ERC1: variants seen among roughly 807,000 people sequenced by gnomAD.
ERC1 encodes RAB6 interacting protein 2.
Under a neutral mutation model 132.0 loss-of-function variants are expected in ERC1, and 56 were observed. The observed-to-expected ratio is 0.42, with a 90% CI of 0.34 to 0.53. The LOEUF is 0.53. Among genes scored for constraint, ERC1 ranks in the 20% least tolerant of loss-of-function variants. The pLI is 0.03. For synonymous variants in ERC1, 478 were observed against 476.1 expected (o/e 1.00, Z -0.05); for missense variants, 1,202 against 1,349.9 (o/e 0.89, Z 1.72).
intron 2 of ERC1, among the ~76,000 whole-genome samples, chr12:1,037,847 A>G (rs552154282): frequency 2.0e-5 from 3 of 152,166 alleles, no homozygotes; most frequent in Admixed American, 1.3e-4. Flanking sequence ...GATCCAGAGC[A>G]TCCTGGCTAA....
chr12:1,022,975 G>A lies in ERC1; in HGVS notation c.-156-4773G>A, dbSNP rs577427956. On this transcript the variant is annotated intron_variant, in intron 1 of 18. Coordinates refer to ENST00000360905, the MANE Select transcript of ERC1 (RefSeq NM_178040.4). The stretch of plus-strand genomic sequence containing the variant: ...CCTTTGCTTGGCACTTCTTCCTGCC[G>A]CCATGTGAAGAAGGATGTGTTTGCT... Among the ~76,000 whole-genome samples the A allele has an allele frequency of 2.6e-5, 4 of 152,238 alleles. No homozygotes were observed. In the East Asian group the frequency reaches 5.8e-4, roughly 22 times the overall value.
At chr12:1,216,243 G>T (rs1958395057) in intron 12 of ERC1, among the ~76,000 whole-genome samples, 2 of 152,024 alleles carry the variant, frequency 1.3e-5, no homozygotes, top group African/African-American at 4.8e-5. Flanking sequence ...TTGATTTAAT[G>T]ATTTTTATTT....
chr12:1,215,274 A>G (rs1958285388), intron 12 of ERC1, among the ~76,000 whole-genome samples: 1 of 151,946 alleles, frequency 6.6e-6, no homozygotes, highest in African/African-American at 2.4e-5. Flanking sequence ...GCAGAGTTCA[A>G]ATGATGTCAT....
Position 1,490,221 on chromosome 12 carries a change from G to C in ERC1, c.3342G>C (p.Glu1114Asp), listed in dbSNP as rs772585481. Residue 1114 changes from glutamate to aspartate, a missense_variant, in exon 19 of 19, where the codon GAG (glutamate) becomes GAC (aspartate). Physicochemically the swap from Glu to Asp is conservative, Grantham distance 45. Transcript: ENST00000360905. The stretch of plus-strand genomic sequence containing the variant: ...AGCAAGTGGTCAACGCCCTGGAAGA[G>C]TCCTCTTGACCCTGCTTTATGGGGA... ...ILEQVVNALE[E>D]SS The C allele has an allele frequency of 6.2e-7, 1 of 1,614,058 alleles. No homozygotes were observed. Among genetic ancestry groups the C allele is most frequent in the Non-Finnish European group, 8.5e-7 (1 of 1,179,972 alleles).
rs368898206 is a variant in ERC1 at position 1,354,706 on chromosome 12, C to T, written c.2781-17127C>T. Among the ~76,000 whole-genome samples the T allele has an allele frequency of 2.0e-5, 3 of 152,198 alleles. No homozygotes were observed. The East Asian group carries it at 5.8e-4, about 29-fold the overall frequency. ...TGCTCTGTCATCCAGGCTGGAGTGCCGAAGCGCAGTGTCGGCTCACTGCAA... is the reference window on the plus strand; with the variant it reads ...TGCTCTGTCATCCAGGCTGGAGTGCTGAAGCGCAGTGTCGGCTCACTGCAA... On this transcript the variant is annotated intron_variant, in intron 15 of 18. Transcript: ENST00000360905.
chr12:1,309,296 T>C (rs909388173), intron 15 of ERC1, among the ~76,000 whole-genome samples: 3 of 152,216 alleles, frequency 2.0e-5, no homozygotes, highest in African/African-American at 7.2e-5. Context: ...TTGCACACTG[T>C]CTGACAGCAC....
chr12:1,483,306 A>G (rs1271943959), intron 18 of ERC1, among the ~76,000 whole-genome samples: 2 of 152,204 alleles, frequency 1.3e-5, no homozygotes, highest in Non-Finnish European at 2.9e-5. Flanking sequence ...TCAAAAATAA[A>G]AAAAGAATAG....
intron 7 of ERC1, among the ~76,000 whole-genome samples, chr12:1,130,134 A>G (rs559597672): frequency 1.5e-4 from 23 of 152,258 alleles, no homozygotes; most frequent in Admixed American, 9.2e-4. Flanking sequence ...AATGGAATAT[A>G]TATTTCTACA....
chr12:1,184,684 A>G (rs1954871828), intron 11 of ERC1, among the ~76,000 whole-genome samples: 1 of 152,248 alleles, frequency 6.6e-6, no homozygotes, highest in South Asian at 2.1e-4. Context: ...TCAGCATGAG[A>G]TAATATCCTC....
At chr12:1,083,806 C>G (rs1942575177) in intron 3 of ERC1, among the ~76,000 whole-genome samples, 2 of 152,130 alleles carry the variant, frequency 1.3e-5, no homozygotes, top group South Asian at 2.1e-4. Flanking sequence ...GGTCTTTTCT[C>G]TCCTGCTCCC....
chr12:1,490,069 A>G (rs1555135547), intron 18 of ERC1, 24 bp from the exon 19 acceptor site: 1 of 1,607,884 alleles, frequency 6.2e-7, no homozygotes, highest in Non-Finnish European at 8.5e-7. Flanking sequence ...TGTATCTGAA[A>G]TCCATCTCTC....
At chr12:1,385,870 T>C (rs189513105) in intron 16 of ERC1, 75 of 152,316 alleles carry the variant, frequency 4.9e-4, no homozygotes, top group African/African-American at 1.7e-3. Flanking sequence ...TCTCTTACTT[T>C]TGTGTCGTCT....
intron 18 of ERC1, among the ~76,000 whole-genome samples, chr12:1,460,945 C>G (rs16928465): frequency 3.5e-4 from 44 of 124,644 alleles, no homozygotes; most frequent in African/African-American, 1.1e-3. Flanking sequence ...CTTGCCTAAA[C>G]GATGAGGAGG....
Position 1,385,271 on chromosome 12 carries a change from T to C in ERC1, c.2925+13294T>C, listed in dbSNP as rs569666297. Among the ~76,000 whole-genome samples the C allele has an allele frequency of 1.8e-3, 277 of 152,286 alleles. 1 individual carries two copies. The highest frequency in any genetic ancestry group is 4.6e-3 in the African/African-American group (193 of 41,570). On this transcript the variant is annotated intron_variant, in intron 16 of 18. Transcript: ENST00000360905. ...TTTTCCTAACAAGTTTCCTCGCAAT[T>C]ACCTTCCTATCTTTTTTTTTTCTTT...
chr12:1,123,842 A>G lies in ERC1; in HGVS notation c.1569+7809A>G, dbSNP rs140261148. ...AAACCCTGTCTCTACTGAAAATACA[A>G]AAATGAGCTGGGCGTGGTGGCACGC... On this transcript the variant is annotated intron_variant, in intron 7 of 18. Coordinates refer to ENST00000360905, the MANE Select transcript of ERC1 (RefSeq NM_178040.4). Among the ~76,000 whole-genome samples, 16 of 152,334 alleles carry G rather than the reference A, an allele frequency of 1.1e-4. No homozygotes were observed. In the East Asian group the frequency reaches 3.1e-3, roughly 29 times the overall value.
intron 15 of ERC1, among the ~76,000 whole-genome samples, chr12:1,345,517 G>A (rs1566641459): frequency 6.6e-6 from 1 of 152,096 alleles, no homozygotes; most frequent in East Asian, 1.9e-4. Flanking sequence ...GAATTCCTAA[G>A]CCATCCTTCC....
chr12:1,264,605 A>G (rs995385579), intron 14 of ERC1, among the ~76,000 whole-genome samples: 1 of 152,052 alleles, frequency 6.6e-6, no homozygotes, highest in African/African-American at 2.4e-5. Flanking sequence ...CGGAGCTTGC[A>G]GTGAGCCGAG....
chr12:1,417,506 G>C (rs756990397), intron 17 of ERC1, among the ~76,000 whole-genome samples: 2 of 151,478 alleles, frequency 1.3e-5, no homozygotes, highest in African/African-American at 4.9e-5. Context: ...GAGGCCGAGC[G>C]CGGTGGCTCA....
At chr12:994,124 G>C (rs886177579) in intron 1 of ERC1, among the ~76,000 whole-genome samples, 1 of 148,310 alleles carries the variant, frequency 6.7e-6, no homozygotes, top group Non-Finnish European at 1.5e-5. Context: ...ACAGCTGCTC[G>C]GTTTTACACT....
Sources: allele counts gnomAD v4.1 joint callset (sites outside exome capture counted in the v4.1 genomes callset), GRCh38; gene constraint gnomAD v4.1.1; transcripts MANE v1.5; gene names NCBI Gene and HGNC (gene_info 2026-07-23, HGNC 2026-07-21).